UTRN: variants seen among roughly 807,000 people sequenced by gnomAD.
The protein encoded by UTRN is utrophin, also known as dystrophin-related protein 1.
Under a neutral mutation model 463.9 loss-of-function variants are expected in UTRN, and 283 were observed. That is an observed-to-expected ratio of 0.61 (90% CI 0.55 to 0.67). The LOEUF (loss-of-function observed/expected upper bound fraction) is 0.67, where lower values mean the gene tolerates loss of function less well. Among genes scored for constraint, UTRN ranks in the 30% least tolerant of loss-of-function variants. The probability of loss-of-function intolerance (pLI) is 0.00; values close to 1 mark genes in which losing one functional copy is unlikely to be tolerated. For missense variants in UTRN, 3,922 were observed against 4,084.3 expected (o/e 0.96, Z 1.08); for synonymous variants, 1,442 against 1,431.5 (o/e 1.01, Z -0.17).
chr6:144,625,754 A>G (rs1011605612), intron 51 of UTRN, among the ~76,000 whole-genome samples: 3 of 152,264 alleles, frequency 2.0e-5, no homozygotes, highest in Non-Finnish European at 2.9e-5. Context: ...GTACCACAGA[A>G]GTAAACCTAA....
rs570836893 is a variant in UTRN at position 144,308,532 on chromosome 6, A to G, written c.79+16625A>G. Among the ~76,000 whole-genome samples the G allele has an allele frequency of 3.9e-5, 6 of 152,150 alleles. No individual in the cohort carries two copies. The South Asian group carries it at 8.3e-4, about 21-fold the overall frequency. ...GGTCTCAAACTCCTGGGCTCAAGCA[A>G]TCCATCCACCTCAGCCTCCCGAAGT... On this transcript the variant is annotated intron_variant, in intron 2 of 74. Coordinates refer to ENST00000367545, the MANE Select transcript of UTRN (RefSeq NM_007124.3).
intron 33 of UTRN, among the ~76,000 whole-genome samples, chr6:144,495,194 C>T (rs953988013): frequency 4.6e-5 from 7 of 152,158 alleles, no homozygotes; most frequent in Non-Finnish European, 8.8e-5. Context: ...CGCCGTGGAG[C>T]AGGGGGTGGC....
intron 50 of UTRN, among the ~76,000 whole-genome samples, chr6:144,574,468 C>A (rs1016494213): frequency 9.9e-5 from 15 of 152,144 alleles, no homozygotes; most frequent in African/African-American, 3.6e-4. Context: ...CTTTCTTTAT[C>A]CGTATGTAAT....
At chr6:144,557,049 G>A in intron 49 of UTRN, 108 bp from the exon 50 acceptor site, 3 of 1,364,560 alleles carry the variant, frequency 2.2e-6, no homozygotes, top group South Asian at 1.7e-5. Flanking sequence ...TTCATCCTGT[G>A]ATATCTGTAT....
chr6:144,555,381 C>T (rs1562567676), intron 49 of UTRN, among the ~76,000 whole-genome samples: 1 of 152,150 alleles, frequency 6.6e-6, no homozygotes, highest in African/African-American at 2.4e-5. Flanking sequence ...GAAGCAGGCA[C>T]CTTCTTTACA....
At chr6:144,732,546 G>A (rs1477285496) in intron 54 of UTRN, among the ~76,000 whole-genome samples, 2 of 151,738 alleles carry the variant, frequency 1.3e-5, no homozygotes, top group African/African-American at 2.4e-5. Context: ...ATCTTATCAT[G>A]TAATCATATT....
chr6:144,535,525 T>C (rs1399667080), intron 43 of UTRN, among the ~76,000 whole-genome samples: 1 of 152,242 alleles, frequency 6.6e-6, no homozygotes, highest in Non-Finnish European at 1.5e-5. Flanking sequence ...TACGTGTTTT[T>C]ACTCATTTTT....
At chr6:144,827,311 G>A in intron 66 of UTRN, 37 bp from the exon 67 acceptor site, 1 of 1,612,166 alleles carries the variant, frequency 6.2e-7, no homozygotes. Context: ...TAAAGTGTTT[G>A]TTCTGTGACT....
intron 37 of UTRN, among the ~76,000 whole-genome samples, chr6:144,515,684 G>T (rs1325721121): frequency 3.3e-5 from 5 of 152,070 alleles, no homozygotes; most frequent in Admixed American, 3.3e-4. Context: ...TCTGCATTTA[G>T]TTTTATTAAA....
intron 69 of UTRN, among the ~76,000 whole-genome samples, chr6:144,832,243 CTAA>C (rs1780732598): frequency 6.6e-6 from 1 of 152,016 alleles, no homozygotes; most frequent in South Asian, 2.1e-4. Context: ...ACATTTAGAC[CTAA>C]TAATCTGTGA....
At chr6:144,537,237 T>C (rs1375630533) in intron 43 of UTRN, among the ~76,000 whole-genome samples, 8 of 152,074 alleles carry the variant, frequency 5.3e-5, no homozygotes, top group African/African-American at 9.6e-5. Flanking sequence ...GATAAAGACA[T>C]TTTTCATGTT....
intron 5 of UTRN, 34 bp from the exon 6 acceptor site, chr6:144,423,952 G>A (rs373085840): frequency 1.2e-5 from 19 of 1,600,272 alleles, no homozygotes; most frequent in Admixed American, 8.6e-5. Context: ...TCTTAAAAGC[G>A]TTTTTGTTTT....
Position 144,751,958 on chromosome 6 carries a change from A to G in UTRN, c.8355+6A>G, listed in dbSNP as rs1251684328. On this transcript the variant is annotated splice_donor_region_variant and intron_variant, in intron 56 of 74. Coordinates refer to ENST00000367545, the MANE Select transcript of UTRN (RefSeq NM_007124.3). ...TGCGATGGAAACTTTTACAGGTATC[A>G]GCTTATTCCCCTTCATAATGCAGGC... 6.2e-7 allele frequency: 1 copy of G among 1,601,302 alleles called. No homozygotes were observed. The highest frequency in any genetic ancestry group is 1.7e-5 in the Admixed American group (1 of 57,680).
intron 2 of UTRN, among the ~76,000 whole-genome samples, chr6:144,363,454 C>T (rs1042476852): frequency 2.0e-5 from 3 of 152,156 alleles, no homozygotes; most frequent in African/African-American, 7.2e-5. Context: ...AGCATTATTA[C>T]TATTTGTTTA....
intron 52 of UTRN, among the ~76,000 whole-genome samples, chr6:144,697,221 T>C (rs1457256831): frequency 6.6e-6 from 1 of 152,126 alleles, no homozygotes; most frequent in Non-Finnish European, 1.5e-5. Flanking sequence ...AGGAGTGAAC[T>C]GAAGCAGCTG....
At chr6:144,561,637 G>A (rs1434094239) in intron 50 of UTRN, among the ~76,000 whole-genome samples, 5 of 151,982 alleles carry the variant, frequency 3.3e-5, no homozygotes, top group Non-Finnish European at 7.4e-5. Flanking sequence ...GGCAATCCTT[G>A]GTTAAAAGCC....
At chr6:144,524,884 T>C (rs1444322539) in intron 41 of UTRN, among the ~76,000 whole-genome samples, 2 of 152,192 alleles carry the variant, frequency 1.3e-5, no homozygotes, top group Non-Finnish European at 2.9e-5. Flanking sequence ...CCAATTTTGC[T>C]GAGAATTTTA....
intron 28 of UTRN, among the ~76,000 whole-genome samples, chr6:144,486,729 A>G (rs1456113240): frequency 1.3e-5 from 2 of 152,198 alleles, no homozygotes; most frequent in African/African-American, 4.8e-5. Context: ...CATGTCGGCC[A>G]GGCTGGGCTC....
At chr6:144,292,097 A>G (rs1203548063) in intron 2 of UTRN, among the ~76,000 whole-genome samples, 190 bp downstream of exon 2, 1 of 152,238 alleles carries the variant, frequency 6.6e-6, no homozygotes, top group Non-Finnish European at 1.5e-5. Flanking sequence ...TGAGTGTCCT[A>G]TCCTTTCTCA....
Sources: gnomAD v4.1 joint callset for allele counts (sites outside exome capture counted in the v4.1 genomes callset) on GRCh38, gnomAD v4.1.1 for gene constraint, MANE v1.5 for transcripts, NCBI Gene and HGNC (gene_info 2026-07-23, HGNC 2026-07-21) for gene names.